The following FBXL13 variants were observed in gnomAD, a reference collection of about 807,000 sequenced individuals.
The protein encoded by FBXL13 is F-box and leucine rich repeat protein 13.
FBXL13 carries 67 observed loss-of-function variants against 83.6 expected under a neutral mutation model. The ratio of observed to expected loss-of-function variants is 0.80; its 90% CI spans 0.66 to 0.98. FBXL13 has a LOEUF of 0.98. FBXL13 is among the 50% of genes least tolerant of loss of function. The probability of loss-of-function intolerance (pLI) is 0.00; values close to 1 mark genes in which losing one functional copy is unlikely to be tolerated. For missense variants in FBXL13, 822 were observed against 866.5 expected (o/e 0.95, Z 0.64); for synonymous variants, 272 against 299.5 (o/e 0.91, Z 0.95).
At chr7:102,919,344 C>T (rs1350345257) in intron 10 of FBXL13, among the ~76,000 whole-genome samples, 6 of 152,066 alleles carry the variant, frequency 3.9e-5, no homozygotes, top group Admixed American at 3.9e-4. Flanking sequence ...AAAGAGACAA[C>T]TTTGAAGGAC....
chr7:103,052,825 C>T (rs889790439), intron 2 of FBXL13, among the ~76,000 whole-genome samples: 2 of 147,768 alleles, frequency 1.4e-5, no homozygotes, highest in Non-Finnish European at 3.0e-5. Context: ...GGCACGATCT[C>T]GGCTCACTGC....
intron 6 of FBXL13, 32 bp downstream of exon 7, chr7:103,025,031 T>C (rs1793744916): frequency 1.3e-6 from 2 of 1,522,134 alleles, no homozygotes; most frequent in African/African-American, 1.4e-5. Flanking sequence ...TGGCAGATTA[T>C]AGTATATAAT....
intron 10 of FBXL13, among the ~76,000 whole-genome samples, chr7:102,922,344 TA>T (rs1817217257): frequency 6.6e-6 from 1 of 152,140 alleles, no homozygotes; most frequent in African/African-American, 2.4e-5. Flanking sequence ...TTCATGACCA[TA>T]TTTTTTTTAT....
exon 11 of FBXL13, chr7:102,913,209 G>C: frequency 1.9e-6 from 3 of 1,614,132 alleles, no homozygotes; most frequent in Non-Finnish European, 1.7e-6. Context: ...GTAAGTTGTG[G>C]AAGTGCCTGA....
At chr7:103,029,449 T>C (rs1446289290) in intron 2 of FBXL13, 31 bp from the exon 4 acceptor site, 1 of 1,252,368 alleles carries the variant, frequency 8.0e-7, no homozygotes. Context: ...AAATAACAAA[T>C]ATTAGAAATA....
chr7:102,887,087 A>C (rs1810901707), intron 11 of FBXL13, among the ~76,000 whole-genome samples: 1 of 152,196 alleles, frequency 6.6e-6, no homozygotes, highest in African/African-American at 2.4e-5. Context: ...TACAGTTACA[A>C]GTTAATGTTT....
intron 16 of FBXL13, among the ~76,000 whole-genome samples, chr7:102,862,056 C>T (rs1231412374): frequency 6.8e-6 from 1 of 147,964 alleles, no homozygotes; most frequent in African/African-American, 2.5e-5. Context: ...AAGAAACAGA[C>T]GTTTTGGGCA....
At chr7:103,024,788 G>A (rs1487981601) in intron 6 of FBXL13, among the ~76,000 whole-genome samples, 4 of 139,930 alleles carry the variant, frequency 2.9e-5, no homozygotes, top group Non-Finnish European at 6.2e-5. Flanking sequence ...AATACATCAA[G>A]AGTAGGATTA....
rs916902929 is a variant in FBXL13 at position 102,879,439 on chromosome 7, A to G, written c.1389-989T>C. Among the ~76,000 whole-genome samples, 9 of 144,806 alleles carry G rather than the reference A, an allele frequency of 6.2e-5. No individual in the cohort carries two copies. In the South Asian group the frequency reaches 1.1e-3, roughly 18 times the overall value. The allele number at this position is 144,806 out of a possible 152,430, so 95.0% of individuals were successfully genotyped here. On this transcript the variant is annotated intron_variant, in intron 14 of 19. Transcript: ENST00000313221. ...CCAGCACCTAGGAAAGCAGTTAAGG[A>G]TGTGTGTGTGTGTGTGTGTGTGTGT...
intron 2 of FBXL13, among the ~76,000 whole-genome samples, chr7:103,051,439 C>T (rs1476624023): frequency 6.6e-6 from 1 of 152,094 alleles, no homozygotes; most frequent in Non-Finnish European, 1.5e-5. Context: ...GAGCTCAAAA[C>T]ACAAATCCAT....
intron 17 of FBXL13, among the ~76,000 whole-genome samples, chr7:102,852,381 C>G (rs1410660209): frequency 6.6e-6 from 1 of 152,104 alleles, no homozygotes; most frequent in Non-Finnish European, 1.5e-5. Flanking sequence ...AAGAAACAAT[C>G]AGCAGAGTAA....
At chr7:102,847,639 G>C (rs1804247121) in intron 17 of FBXL13, among the ~76,000 whole-genome samples, 1 of 151,848 alleles carries the variant, frequency 6.6e-6, no homozygotes, top group African/African-American at 2.4e-5. Context: ...TGATTCTCCT[G>C]TCTCAGCCTC....
At chr7:103,009,132 A>G (rs1218638653) in intron 6 of FBXL13, among the ~76,000 whole-genome samples, 1 of 152,170 alleles carries the variant, frequency 6.6e-6, no homozygotes, top group Non-Finnish European at 1.5e-5. Context: ...TAGCTGCATG[A>G]GTGTAGGAAG....
At chr7:102,844,967 T>A (rs1803666420) in intron 17 of FBXL13, among the ~76,000 whole-genome samples, 1 of 152,214 alleles carries the variant, frequency 6.6e-6, no homozygotes. Flanking sequence ...TACATAGGGC[T>A]AGGTGTAGAG....
intron 18 of FBXL13, among the ~76,000 whole-genome samples, chr7:102,829,157 G>A (rs1800227913): frequency 6.6e-6 from 1 of 152,196 alleles, no homozygotes; most frequent in Admixed American, 6.5e-5. Flanking sequence ...CGGTGCAAGT[G>A]GAACATTTAC....
At chr7:103,071,674 C>T (rs187656235) in intron 1 of FBXL13, among the ~76,000 whole-genome samples, 21 of 151,548 alleles carry the variant, frequency 1.4e-4, no homozygotes, top group Admixed American at 1.1e-3. Flanking sequence ...GGATTACAGG[C>T]ATGAACCACC....
At chr7:102,970,873 C>T (rs573220320) in intron 6 of FBXL13, among the ~76,000 whole-genome samples, 2 of 152,040 alleles carry the variant, frequency 1.3e-5, no homozygotes, top group South Asian at 4.2e-4. Context: ...GAATATGTAC[C>T]TGAAGAAATT....
intron 6 of FBXL13, among the ~76,000 whole-genome samples, chr7:102,981,620 C>T (rs1828238704): frequency 6.6e-6 from 1 of 152,150 alleles, no homozygotes; most frequent in East Asian, 1.9e-4. Flanking sequence ...TGGCTGGAGG[C>T]CTAAGATAAA....
intron 11 of FBXL13, among the ~76,000 whole-genome samples, chr7:102,903,945 T>TTTTTTTTTTTTTTTTTTTG (rs1813344919): frequency 7.0e-6 from 1 of 142,776 alleles, no homozygotes; most frequent in Non-Finnish European, 1.5e-5. Flanking sequence ...TTTTCTTTTT[T>TTTTTTTTTTTTTTTTTTTG]TTTTTTTTTT....
Sources: gnomAD v4.1 joint callset for allele counts (sites outside exome capture counted in the v4.1 genomes callset) on GRCh38, gnomAD v4.1.1 for gene constraint, MANE v1.5 for transcripts, NCBI Gene and HGNC (gene_info 2026-07-23, HGNC 2026-07-21) for gene names.